The following PAPPA2 variants were observed in gnomAD, a reference collection of about 807,000 sequenced individuals.
PAPPA2 encodes pappalysin 2.
Under a neutral mutation model 176.4 loss-of-function variants are expected in PAPPA2, and 86 were observed. The ratio of observed to expected loss-of-function variants is 0.49; its 90% CI spans 0.41 to 0.58. The LOEUF is 0.58. Among genes scored for constraint, PAPPA2 ranks in the 20% least tolerant of loss-of-function variants. The pLI, the probability that PAPPA2 is intolerant of heterozygous loss-of-function variation, is 0.00. For synonymous variants in PAPPA2, 809 were observed against 852.2 expected (o/e 0.95, Z 0.88); for missense variants, 2,073 against 2,256.9 (o/e 0.92, Z 1.65).
chr1:176,601,679 G>A (rs538177668), intron 3 of PAPPA2, among the ~76,000 whole-genome samples: 127 of 152,350 alleles, frequency 8.3e-4, no homozygotes, highest in African/African-American at 3.0e-3. Context: ...AGGGAAGGAA[G>A]GGTGTTGAGT....
intron 3 of PAPPA2, among the ~76,000 whole-genome samples, chr1:176,622,236 A>C (rs1655638374): frequency 6.6e-6 from 1 of 152,222 alleles, no homozygotes. Flanking sequence ...AAATGAAAGA[A>C]ATGATATGAG....
chr1:176,716,651 A>C (rs1365346160), intron 12 of PAPPA2, among the ~76,000 whole-genome samples: 1 of 123,682 alleles, frequency 8.1e-6, no homozygotes, highest in African/African-American at 3.3e-5. Context: ...TTGCTCTGTC[A>C]CCCAGGCTGG....
At chr1:176,666,303 G>A (rs1334541888) in intron 3 of PAPPA2, among the ~76,000 whole-genome samples, 1 of 152,050 alleles carries the variant, frequency 6.6e-6, no homozygotes, top group Non-Finnish European at 1.5e-5. Flanking sequence ...AATTTCCTGG[G>A]CAGAGAAACT....
intron 2 of PAPPA2, among the ~76,000 whole-genome samples, chr1:176,561,145 C>T (rs1390089303): frequency 1.3e-5 from 2 of 151,992 alleles, no homozygotes; most frequent in Non-Finnish European, 2.9e-5. Context: ...TGGTCTTCAG[C>T]GATCCATTGA....
rs1403570340 is a variant in PAPPA2 at position 176,845,257 on chromosome 1, A to T, written c.*2803A>T. 1 of 152,182 alleles carries T rather than the reference A, an allele frequency of 6.6e-6. No individual in the cohort carries two copies. Among genetic ancestry groups the T allele is most frequent in the African/African-American group, 2.4e-5 (1 of 41,434 alleles). 9.4% of individuals were successfully genotyped at this position (152,182 alleles called of 1,614,324 possible). ...GATTGTGCCCAGGTGGCCCAGGGCT[A>T]GCTGGCTCTAACAACTAGCATGACA... On this transcript the variant is annotated 3_prime_UTR_variant, in exon 23 of 23. Coordinates refer to ENST00000367662, the MANE Select transcript of PAPPA2 (RefSeq NM_020318.3).
intron 1 of PAPPA2, among the ~76,000 whole-genome samples, chr1:176,514,387 C>G (rs1268879602): frequency 6.6e-6 from 1 of 152,164 alleles, no homozygotes; most frequent in Non-Finnish European, 1.5e-5. Flanking sequence ...GGATCTGCCC[C>G]ATGACCCAAG....
chr1:176,816,121 G>A (rs1036702097), intron 21 of PAPPA2, among the ~76,000 whole-genome samples: 3 of 135,832 alleles, frequency 2.2e-5, no homozygotes, highest in Admixed American at 1.5e-4. Context: ...TATTGATTGT[G>A]GGATCCTGAG....
At position 176,556,315 on chromosome 1, in the gene PAPPA2, G is replaced by T; in HGVS notation, c.-8G>T. On this transcript the variant is annotated 5_prime_UTR_variant, in exon 2 of 23. In the 5' UTR this introduces an upstream ATG that the reference lacks. Transcript: ENST00000367662. Reference sequence around the variant, plus strand: ...ACTTCTGGTTCTGTAGAAAGAGCTAGGGGAGGTATGATGTGCTTAAAGATC... The same window carrying T: ...ACTTCTGGTTCTGTAGAAAGAGCTATGGGAGGTATGATGTGCTTAAAGATC... 6.2e-7 allele frequency: 1 copy of T among 1,611,584 alleles called. No homozygotes were observed. The highest frequency in any genetic ancestry group is 1.1e-5 in the South Asian group (1 of 90,716).
chr1:176,786,238 C>T (rs1473616105), intron 17 of PAPPA2, among the ~76,000 whole-genome samples: 2 of 152,180 alleles, frequency 1.3e-5, no homozygotes, highest in Non-Finnish European at 2.9e-5. Context: ...TTTTAAATGT[C>T]ATCTTTCTGG....
At chr1:176,750,706 T>C (rs1426567414) in intron 14 of PAPPA2, among the ~76,000 whole-genome samples, 1 of 152,068 alleles carries the variant, frequency 6.6e-6, no homozygotes, top group African/African-American at 2.4e-5. Context: ...CTTACAAAAA[T>C]AATAGTAAGC....
In PAPPA2 at chr1:176,671,120, G is replaced by T; in HGVS notation, c.2137+5G>T. ...AGGACGCTGTCACTCACCTGGGTAA[G>T]TGAAATGAAGACCAAACATAGTAGG... On this transcript the variant is annotated splice_donor_5th_base_variant and intron_variant, in intron 4 of 22. Transcript: ENST00000367662. 6.2e-7 allele frequency: 1 copy of T among 1,613,480 alleles called. No homozygotes were observed.
At chr1:176,670,949 T>G in intron 3 of PAPPA2, 21 bp from the exon 4 acceptor site, 1 of 1,612,908 alleles carries the variant, frequency 6.2e-7, no homozygotes, top group African/African-American at 1.3e-5. Flanking sequence ...GTGACATTTT[T>G]TCATCTTGCA....
At chr1:176,639,069 A>C (rs1474371623) in intron 3 of PAPPA2, among the ~76,000 whole-genome samples, 1 of 151,918 alleles carries the variant, frequency 6.6e-6, no homozygotes, top group Non-Finnish European at 1.5e-5. Context: ...TAAAAAAAAT[A>C]AAAGATGAGG....
chr1:176,782,462 C>A (rs568221379), intron 17 of PAPPA2, among the ~76,000 whole-genome samples: 3 of 151,614 alleles, frequency 2.0e-5, no homozygotes, highest in African/African-American at 7.3e-5. Context: ...GTTAGAGGGG[C>A]AAAATAAGGA....
chr1:176,645,516 A>G (rs986170693), intron 3 of PAPPA2, among the ~76,000 whole-genome samples: 1 of 151,756 alleles, frequency 6.6e-6, no homozygotes, highest in Non-Finnish European at 1.5e-5. Context: ...GTTTGATTCC[A>G]TATTTTAGCT....
intron 3 of PAPPA2, among the ~76,000 whole-genome samples, chr1:176,654,750 A>G (rs1459984115): frequency 6.6e-6 from 1 of 151,630 alleles, no homozygotes; most frequent in Non-Finnish European, 1.5e-5. Context: ...ACAATTTTAT[A>G]CATCAGTATT....
At chr1:176,742,875 T>C (rs1348486135) in intron 14 of PAPPA2, among the ~76,000 whole-genome samples, 2 of 152,164 alleles carry the variant, frequency 1.3e-5, no homozygotes, top group South Asian at 2.1e-4. Flanking sequence ...AGCTGACAGA[T>C]GCCTGCCAGT....
At chr1:176,599,836 C>T (rs571756189) in intron 3 of PAPPA2, among the ~76,000 whole-genome samples, 6 of 151,790 alleles carry the variant, frequency 4.0e-5, no homozygotes, top group South Asian at 2.1e-4. Flanking sequence ...CTACCTATGA[C>T]GATCTAAGAA....
At chr1:176,606,237 A>G (rs1011274682) in intron 3 of PAPPA2, among the ~76,000 whole-genome samples, 1 of 152,184 alleles carries the variant, frequency 6.6e-6, no homozygotes, top group South Asian at 2.1e-4. Context: ...AATAGCAGAC[A>G]TAAGTTAAAC....
Sources: gnomAD v4.1 joint callset for allele counts (sites outside exome capture counted in the v4.1 genomes callset) on GRCh38, gnomAD v4.1.1 for gene constraint, MANE v1.5 for transcripts, NCBI Gene and HGNC (gene_info 2026-07-23, HGNC 2026-07-21) for gene names.